The following SLC44A5 variants were observed in gnomAD, a reference collection of about 807,000 sequenced individuals.
The protein encoded by SLC44A5 is solute carrier family 44 member 5, also known as choline transporter-like protein 5.
In SLC44A5, 57 loss-of-function variants were observed where a neutral mutation model predicts 101.8. The observed-to-expected ratio is 0.56, with a 90% CI of 0.45 to 0.70. The LOEUF is 0.70. Among genes scored for constraint, SLC44A5 ranks in the 30% least tolerant of loss-of-function variants. The pLI is 0.00. For synonymous variants in SLC44A5, 281 were observed against 290.9 expected (o/e 0.97, Z 0.35); for missense variants, 737 against 853.1 (o/e 0.86, Z 1.70).
chr1:75,682,671 A>T, the SLC44A5 span, among the ~76,000 whole-genome samples: 8 of 151,572 alleles, frequency 5.3e-5, no homozygotes, highest in Non-Finnish European at 1.2e-4. Flanking sequence ...AACCTAGGCA[A>T]TACCATTCAG....
chr1:75,238,591 A>G lies in SLC44A5; in HGVS notation c.578T>C (p.Leu193Ser). The change falls in exon 10 of 24, where the codon TTA becomes TCA. Residue 193 changes from leucine (L) to serine (S), a missense_variant. Leu to Ser is a moderately radical substitution (Grantham distance 145). Transcript: ENST00000370859. ...AAACATCATCTTACTTCCTATTGTT[A>G]AAGTGCCATTTTTGGTAGAGAAGTC... ...FPDFSTKNGT[L>S]TIGSKMMFQD... 1 of 1,589,732 alleles carries G rather than the reference A, an allele frequency of 6.3e-7. No individual in the cohort carries two copies. The highest frequency in any genetic ancestry group is 8.6e-7 in the Non-Finnish European group (1 of 1,167,066).
intron 2 of SLC44A5, among the ~76,000 whole-genome samples, chr1:75,483,657 T>C (rs1029502872): frequency 3.3e-5 from 5 of 152,212 alleles, no homozygotes; most frequent in African/African-American, 1.2e-4. Context: ...AAAATGTTAA[T>C]TATGTTACTT....
the SLC44A5 span, chr1:75,641,675 T>C: frequency 1.3e-6 from 2 of 1,504,704 alleles, no homozygotes; most frequent in Non-Finnish European, 1.8e-6. Context: ...AAGAATACTA[T>C]ATACCTCTCT....
chr1:75,531,988 T>C (rs1216109314), intron 2 of SLC44A5, among the ~76,000 whole-genome samples: 1 of 152,174 alleles, frequency 6.6e-6, no homozygotes, highest in Admixed American at 6.5e-5. Flanking sequence ...CCAAAGTGTG[T>C]TGCCCAAACC....
At chr1:75,580,566 G>A (rs1048518744) in intron 1 of SLC44A5, among the ~76,000 whole-genome samples, 6 of 152,190 alleles carry the variant, frequency 3.9e-5, no homozygotes, top group South Asian at 4.1e-4. Context: ...AGGGCCCAGC[G>A]CAGTGGCTCA....
intron 12 of SLC44A5, among the ~76,000 whole-genome samples, chr1:75,233,101 A>G (rs1647739551): frequency 6.6e-6 from 1 of 152,146 alleles, no homozygotes; most frequent in Non-Finnish European, 1.5e-5. Context: ...GGTGGTATAT[A>G]CTGTTCCACG....
At chr1:75,453,146 C>G (rs918361044) in intron 2 of SLC44A5, among the ~76,000 whole-genome samples, 9 of 152,058 alleles carry the variant, frequency 5.9e-5, no homozygotes, top group African/African-American at 2.2e-4. Flanking sequence ...GATCATAAAG[C>G]AGTCTCAATA....
At chr1:75,421,456 A>C (rs1376111963) in intron 2 of SLC44A5, among the ~76,000 whole-genome samples, 2 of 152,180 alleles carry the variant, frequency 1.3e-5, no homozygotes, top group African/African-American at 2.4e-5. Flanking sequence ...AATAAATGGC[A>C]GCCCAGTTAA....
chr1:75,360,776 A>G (rs1378040804), intron 3 of SLC44A5, among the ~76,000 whole-genome samples: 1 of 152,008 alleles, frequency 6.6e-6, no homozygotes, highest in Non-Finnish European at 1.5e-5. Context: ...TTTGCTCAAG[A>G]CTGTTTTGGC....
intron 1 of SLC44A5, chr1:75,582,136 G>T: frequency 1.3e-6 from 1 of 749,644 alleles, no homozygotes; most frequent in South Asian, 1.4e-5. Flanking sequence ...AACTGGTCCC[G>T]AATATGGCAC....
At chr1:75,682,640 A>G in the SLC44A5 span, among the ~76,000 whole-genome samples, 2 of 152,010 alleles carry the variant, frequency 1.3e-5, no homozygotes, top group Middle Eastern at 6.8e-3. Context: ...TAGACCTAAA[A>G]CCATAAAAAC....
chr1:75,671,098 G>A, the SLC44A5 span, among the ~76,000 whole-genome samples: 4 of 152,176 alleles, frequency 2.6e-5, no homozygotes, highest in African/African-American at 9.7e-5. Flanking sequence ...GAATGAGTAA[G>A]GTAAGGTAGG....
At chr1:75,482,120 G>A (rs1476760567) in intron 2 of SLC44A5, among the ~76,000 whole-genome samples, 1 of 152,028 alleles carries the variant, frequency 6.6e-6, no homozygotes, top group South Asian at 2.1e-4. Flanking sequence ...GTCCTTTCTA[G>A]GGACATGGAT....
At chr1:75,637,263 A>G in the SLC44A5 span, among the ~76,000 whole-genome samples, 74,530 of 151,730 alleles carry the variant, frequency 0.49, 19,551 homozygotes, top group East Asian at 0.93. Flanking sequence ...AACAACCCAA[A>G]CATCCATCAA....
the SLC44A5 span, among the ~76,000 whole-genome samples, chr1:75,663,598 C>T: frequency 1.4e-4 from 21 of 152,166 alleles, no homozygotes; most frequent in East Asian, 3.7e-3. Flanking sequence ...TACACAATCT[C>T]CTTGAAACAC....
chr1:75,464,241 A>AG (rs1179687095), intron 2 of SLC44A5, among the ~76,000 whole-genome samples: 23 of 150,456 alleles, frequency 1.5e-4, no homozygotes, highest in Non-Finnish European at 2.4e-4. Flanking sequence ...AAAAAAAAAA[A>AG]AAGCAAGAAA....
At chr1:75,659,475 A>G in the SLC44A5 span, among the ~76,000 whole-genome samples, 1 of 66,802 alleles carries the variant, frequency 1.5e-5, no homozygotes, top group Non-Finnish European at 3.3e-5. Flanking sequence ...GAAGGAAGGA[A>G]GGAAGGAAGG....
the SLC44A5 span, among the ~76,000 whole-genome samples, chr1:75,669,730 C>G: frequency 6.6e-6 from 1 of 151,994 alleles, no homozygotes; most frequent in East Asian, 1.9e-4. Flanking sequence ...AAAAAAACAC[C>G]AGACACATAC....
At chr1:75,559,527 G>A (rs1672404079) in intron 1 of SLC44A5, among the ~76,000 whole-genome samples, 1 of 152,142 alleles carries the variant, frequency 6.6e-6, no homozygotes, top group Non-Finnish European at 1.5e-5. Context: ...TTCACCTAGT[G>A]AGCAACAGGC....
Sources: allele counts gnomAD v4.1 joint callset (sites outside exome capture counted in the v4.1 genomes callset), GRCh38; gene constraint gnomAD v4.1.1; transcripts MANE v1.5; gene names NCBI Gene and HGNC (gene_info 2026-07-23, HGNC 2026-07-21).